The following PPP2CB variants were observed in gnomAD, a reference collection of about 807,000 sequenced individuals.
PPP2CB encodes protein phosphatase 2 catalytic subunit beta.
Under a neutral mutation model 39.1 loss-of-function variants are expected in PPP2CB, and 18 were observed. The ratio of observed to expected loss-of-function variants is 0.46; its 90% CI spans 0.32 to 0.68. The LOEUF is 0.68. Ranked by LOEUF, PPP2CB falls within the 30% of genes least tolerant of loss-of-function variation. The pLI is 0.04. For missense variants in PPP2CB, 226 were observed against 396.9 expected, an observed-to-expected ratio of 0.57 and a Z score of 3.66; for synonymous variants, 129 against 133.8, an observed-to-expected ratio of 0.96 and a Z score of 0.25.
intron 3 of PPP2CB, chr8:30,794,550 A>T (rs1204247856): frequency 2.7e-5 from 9 of 339,152 alleles, no homozygotes; most frequent in African/African-American, 2.0e-4. Context: ...ACCTACCATT[A>T]AATTTCTTTC....
Position 30,812,650 on chromosome 8 carries a change from C to A in PPP2CB, c.-229G>T. ...AGCCTGGAGGAGACCCCCGCCCGCC[C>A]TTCCCCGCCCGGCCGCGCGCCGCGG... On this transcript the variant is annotated 5_prime_UTR_variant, in exon 1 of 7. The change creates a new upstream start codon in the 5' untranslated region. Transcript: ENST00000221138. 1 of 370,542 alleles carries A rather than the reference C, an allele frequency of 2.7e-6. No individual in the cohort carries two copies. Among genetic ancestry groups the A allele is most frequent in the Non-Finnish European group, 4.9e-6 (1 of 205,406 alleles). The allele number at this position is 370,542 out of a possible 1,614,324, so 23.0% of individuals were successfully genotyped here.
chr8:30,791,241 G>A lies in PPP2CB; in HGVS notation c.813C>T (p.Asn271=). The change falls in exon 6 of 7, where the codon AAC becomes AAT. Residue 271 remains asparagine, a synonymous_variant. Coordinates refer to ENST00000221138, the MANE Select transcript of PPP2CB (RefSeq NM_001009552.2). ...CATCTAATTCCATGATAGCAGCCTG[G>A]TTCCCACAACGATAACAGTAATTGG... ...SAPNYCYRCG[N]QAAIMELDDT... 1 of 1,612,258 alleles carries A rather than the reference G, an allele frequency of 6.2e-7. No individual in the cohort carries two copies. Among genetic ancestry groups the A allele is most frequent in the Non-Finnish European group, 8.5e-7 (1 of 1,179,500 alleles).
chr8:30,790,033 A>G (rs1012116989), intron 6 of PPP2CB, among the ~76,000 whole-genome samples: 1 of 152,112 alleles, frequency 6.6e-6, no homozygotes, highest in African/African-American at 2.4e-5. Flanking sequence ...TCCTCTTACT[A>G]AAATCCCATT....
chr8:30,793,651 A>C (rs1486587257), intron 5 of PPP2CB: 1 of 306,248 alleles, frequency 3.3e-6, no homozygotes, highest in East Asian at 5.6e-5. Context: ...ATAGTAAAAT[A>C]TTTACAGTCA....
chr8:30,786,949 G>A (rs1293375404), intron 6 of PPP2CB, among the ~76,000 whole-genome samples: 1 of 152,142 alleles, frequency 6.6e-6, no homozygotes, highest in South Asian at 2.1e-4. Context: ...ACAGGCGTGA[G>A]CCACCGCGCC....
rs1481146020 is a variant in PPP2CB, at chr8:30,785,848, G to C, written c.*387C>G. ...ATAATGGATTAGTGGAAGTTAGCTTGTGAATTTTTCTTAAAAATAAAACTC... is the reference window on the plus strand; with the variant it reads ...ATAATGGATTAGTGGAAGTTAGCTTCTGAATTTTTCTTAAAAATAAAACTC... On this transcript the variant is annotated 3_prime_UTR_variant, in exon 7 of 7. Coordinates refer to ENST00000221138, the MANE Select transcript of PPP2CB (RefSeq NM_001009552.2). 1 of 320,742 alleles carries C rather than the reference G, an allele frequency of 3.1e-6. No individual in the cohort carries two copies. Among genetic ancestry groups the C allele is most frequent in the Non-Finnish European group, 6.1e-6 (1 of 164,088 alleles). The allele number at this position is 320,742 out of a possible 1,614,324, so 19.9% of individuals were successfully genotyped here. A position where few individuals can be genotyped will look rare whatever the true frequency, so the allele number is the denominator to read the frequency against.
chr8:30,812,269 G>A (rs1289926882), intron 1 of PPP2CB, 51 bp downstream of exon 1: 1 of 1,354,670 alleles, frequency 7.4e-7, no homozygotes, highest in Non-Finnish European at 9.7e-7. Context: ...CAGGAAAGCG[G>A]CGGCCCGTCC....
At chr8:30,806,626 G>A (rs576033210) in intron 1 of PPP2CB, among the ~76,000 whole-genome samples, 1 of 152,178 alleles carries the variant, frequency 6.6e-6, no homozygotes, top group African/African-American at 2.4e-5. Context: ...AAACAATCTA[G>A]GAAAATTAAT....
chr8:30,803,724 A>G (rs943541402), intron 1 of PPP2CB, among the ~76,000 whole-genome samples: 5 of 152,352 alleles, frequency 3.3e-5, no homozygotes, highest in Non-Finnish European at 7.3e-5. Context: ...AGTAAAAATT[A>G]TACACACATA....
At chr8:30,804,453 T>A (rs1157131543) in intron 1 of PPP2CB, among the ~76,000 whole-genome samples, 1 of 152,176 alleles carries the variant, frequency 6.6e-6, no homozygotes, top group Non-Finnish European at 1.5e-5. Flanking sequence ...CACTATCAGT[T>A]TGGTCTCTGG....
At chr8:30,792,584 T>C (rs548480445) in intron 5 of PPP2CB, among the ~76,000 whole-genome samples, 3 of 150,726 alleles carry the variant, frequency 2.0e-5, no homozygotes, top group African/African-American at 4.9e-5. Flanking sequence ...GCTGGGACAA[T>C]AGACATATGC....
At chr8:30,811,104 T>C (rs1163577880) in intron 1 of PPP2CB, among the ~76,000 whole-genome samples, 1 of 152,164 alleles carries the variant, frequency 6.6e-6, no homozygotes, top group Non-Finnish European at 1.5e-5. Flanking sequence ...ACTTCAAAGA[T>C]GGAGAGATCG....
intron 6 of PPP2CB, among the ~76,000 whole-genome samples, chr8:30,787,394 C>T (rs1235253729): frequency 6.6e-6 from 1 of 152,192 alleles, no homozygotes; most frequent in African/African-American, 2.4e-5. Flanking sequence ...AGCTGGAGTG[C>T]AGTGGTGTGA....
rs1359948012 is a variant in PPP2CB at position 30,812,757 on chromosome 8, C to CT, written c.-337dup. 2.1e-6 allele frequency: 1 copy of CT among 470,782 alleles called. No homozygotes were observed. The highest frequency in any genetic ancestry group is 2.0e-5 in the African/African-American group (1 of 50,486). 29.2% of individuals were successfully genotyped at this position (470,782 alleles called of 1,614,324 possible). The stretch of plus-strand genomic sequence containing the variant: ...GCTCTCGCCGGACGAAGGCCGCCCG[C>CT]TGCCGCTTCAGGCCCGCCTCACGCC... On this transcript the variant is annotated 5_prime_UTR_variant, in exon 1 of 7. Coordinates refer to ENST00000221138, the MANE Select transcript of PPP2CB (RefSeq NM_001009552.2).
At chr8:30,812,010 G>A (rs1421405963) in intron 1 of PPP2CB, among the ~76,000 whole-genome samples, 3 of 152,112 alleles carry the variant, frequency 2.0e-5, no homozygotes, top group African/African-American at 7.2e-5. Flanking sequence ...AGGCGACCCC[G>A]ACCAACCTCC....
chr8:30,809,717 G>A (rs952434010), intron 1 of PPP2CB, among the ~76,000 whole-genome samples: 2 of 152,172 alleles, frequency 1.3e-5, no homozygotes, highest in African/African-American at 2.4e-5. Context: ...AAGGCGGGAG[G>A]ATCACTTGAG....
Position 30,791,332 on chromosome 8 carries a change from AATTC to A in PPP2CB, c.739-21_739-18del, listed in dbSNP as rs753788945. The A allele has an allele frequency of 4.0e-5, 61 of 1,506,396 alleles. No homozygotes were observed. Among genetic ancestry groups the A allele is most frequent in the Middle Eastern group, 1.7e-4 (1 of 5,872 alleles). The allele number at this position is 1,506,396 out of a possible 1,614,324, so 93.3% of individuals were successfully genotyped here. On this transcript the variant is annotated intron_variant, in intron 5 of 6. Coordinates refer to ENST00000221138, the MANE Select transcript of PPP2CB (RefSeq NM_001009552.2). ...ATTGTATCCCTGCAGGATAAAAACA[AATTC>A]ATTATTTCATTATAATATTATGATT...
chr8:30,792,197 G>A (rs1806448983), intron 5 of PPP2CB, among the ~76,000 whole-genome samples: 1 of 151,686 alleles, frequency 6.6e-6, no homozygotes, highest in African/African-American at 2.4e-5. Flanking sequence ...TGGGACTACA[G>A]GTGCGTGCCA....
chr8:30,787,160 T>C (rs1806356709), intron 6 of PPP2CB, among the ~76,000 whole-genome samples: 1 of 152,220 alleles, frequency 6.6e-6, no homozygotes, highest in South Asian at 2.1e-4. Context: ...TTTTACATAT[T>C]GCTAGATCCA....
Sources: allele counts gnomAD v4.1 joint callset (sites outside exome capture counted in the v4.1 genomes callset), GRCh38; gene constraint gnomAD v4.1.1; transcripts MANE v1.5; gene names NCBI Gene and HGNC (gene_info 2026-07-23, HGNC 2026-07-21).